STK3: variants seen among roughly 807,000 people sequenced by gnomAD.
The protein encoded by STK3 is serine/threonine kinase 3, also known as serine/threonine-protein kinase 3.
Under a neutral mutation model 58.0 loss-of-function variants are expected in STK3, and 41 were observed. The observed-to-expected ratio is 0.71, with a 90% CI of 0.55 to 0.92. STK3 has a LOEUF of 0.92. STK3 is among the 40% of genes least tolerant of loss of function. The pLI, the probability that STK3 is intolerant of heterozygous loss-of-function variation, is 0.00. For missense variants in STK3, 479 were observed against 602.7 expected, an observed-to-expected ratio of 0.79 and a Z score of 2.15; for synonymous variants, 170 against 191.0, an observed-to-expected ratio of 0.89 and a Z score of 0.91.
chr8:98,754,257 C>CAAA (rs373399577), intron 3 of STK3, among the ~76,000 whole-genome samples: 61 of 145,476 alleles, frequency 4.2e-4, no homozygotes, highest in African/African-American at 1.4e-3. Flanking sequence ...ATATGAGAAA[C>CAAA]AAAAAAAAAA....
intron 1 of STK3, among the ~76,000 whole-genome samples, chr8:98,384,790 T>G (rs1817772981): frequency 6.6e-6 from 1 of 152,150 alleles, no homozygotes; most frequent in Non-Finnish European, 1.5e-5. Context: ...CTTGGGCAGC[T>G]CCAGATCCCA....
intron 4 of STK3, among the ~76,000 whole-genome samples, chr8:98,719,681 T>C (rs893490199): frequency 2.6e-5 from 4 of 152,244 alleles, no homozygotes; most frequent in African/African-American, 9.6e-5. Flanking sequence ...TCTCACTCAT[T>C]TGGGCATCAA....
At chr8:98,538,621 C>T (rs1397440263) in intron 9 of STK3, among the ~76,000 whole-genome samples, 2 of 152,088 alleles carry the variant, frequency 1.3e-5, no homozygotes, top group East Asian at 3.8e-4. Context: ...AGTTCCTGTG[C>T]GAGTAATGAA....
intron 6 of STK3, among the ~76,000 whole-genome samples, chr8:98,617,735 CACAT>C (rs1193293201): frequency 6.6e-6 from 1 of 151,506 alleles, no homozygotes; most frequent in Non-Finnish European, 1.5e-5. Flanking sequence ...CATTCCTTGA[CACAT>C]ACACTCTCCC....
chr8:98,435,386 T>TG (rs1434213307), intron 2 of STK3, among the ~76,000 whole-genome samples: 1 of 152,102 alleles, frequency 6.6e-6, no homozygotes, highest in Non-Finnish European at 1.5e-5. Context: ...AAGGTGCAGA[T>TG]GGGGGGCAGA....
At chr8:98,716,977 A>G (rs1252776146) in intron 4 of STK3, among the ~76,000 whole-genome samples, 2 of 152,180 alleles carry the variant, frequency 1.3e-5, no homozygotes, top group Admixed American at 6.5e-5. Context: ...TGTGCTAAAG[A>G]ATAAGTAGAA....
chr8:98,792,679 C>A (rs1832881506), intron 1 of STK3, among the ~76,000 whole-genome samples: 1 of 152,046 alleles, frequency 6.6e-6, no homozygotes. Context: ...CCAGCCTGGG[C>A]AACAACAGTA....
intron 10 of STK3, among the ~76,000 whole-genome samples, chr8:98,494,375 G>A (rs756411144): frequency 9.2e-5 from 14 of 152,028 alleles, no homozygotes; most frequent in Admixed American, 4.6e-4. Flanking sequence ...GGTGAACTTT[G>A]GTGTTCCTTA....
chr8:98,729,542 C>T lies in STK3; in HGVS notation c.351+19734G>A, dbSNP rs541102992. On this transcript the variant is annotated intron_variant, in intron 4 of 10. Coordinates refer to ENST00000419617, the MANE Select transcript of STK3 (RefSeq NM_006281.4). ...AGTACCAATGGTGAATACTAAGATT[C>T]TATCCTTGGTTCTATAGTTCTCTGC... 7.2e-4 allele frequency among the ~76,000 whole-genome samples: 110 copies of T among 152,348 alleles called. 1 individual carries two copies. The highest frequency in any genetic ancestry group is 2.6e-3 in the African/African-American group (109 of 41,586).
At chr8:98,786,486 T>C (rs1175012850) in intron 1 of STK3, among the ~76,000 whole-genome samples, 1 of 152,230 alleles carries the variant, frequency 6.6e-6, no homozygotes, top group East Asian at 1.9e-4. Context: ...AGTTCAAGGC[T>C]GCAGTGAGCC....
At chr8:98,790,028 CAAA>C (rs530630466) in intron 1 of STK3, among the ~76,000 whole-genome samples, 8 of 88,710 alleles carry the variant, frequency 9.0e-5, no homozygotes, top group Admixed American at 1.3e-4. Context: ...GACTTCATCT[CAAA>C]AAAAAAAAAA....
chr8:98,425,938 G>A (rs1818227743), intron 3 of STK3, among the ~76,000 whole-genome samples: 1 of 152,168 alleles, frequency 6.6e-6, no homozygotes, highest in Admixed American at 6.5e-5. Context: ...TCCAGTCTTT[G>A]CAAGTGGACA....
At chr8:98,491,599 C>T (rs767307512) in intron 10 of STK3, among the ~76,000 whole-genome samples, 32 of 152,140 alleles carry the variant, frequency 2.1e-4, no homozygotes, top group Non-Finnish European at 3.7e-4. Flanking sequence ...TGCCACTGCA[C>T]CCGGCTAATT....
At chr8:98,887,500 A>G (rs186366563) in intron 1 of STK3, among the ~76,000 whole-genome samples, 88 of 152,334 alleles carry the variant, frequency 5.8e-4, no homozygotes, top group Middle Eastern at 6.8e-3. Context: ...TTCAAAATAA[A>G]AACTTATTTT....
intron 1 of STK3, among the ~76,000 whole-genome samples, chr8:98,803,064 G>A (rs1833664616): frequency 1.3e-5 from 2 of 152,152 alleles, no homozygotes; most frequent in South Asian, 2.1e-4. Context: ...GGTTTCCCTT[G>A]GGGTATGATT....
At chr8:98,505,947 G>A (rs578135288) in intron 10 of STK3, among the ~76,000 whole-genome samples, 6 of 152,324 alleles carry the variant, frequency 3.9e-5, no homozygotes, top group South Asian at 4.1e-4. Context: ...AGACAAGGAC[G>A]TTTAAGTCTG....
intron 9 of STK3, among the ~76,000 whole-genome samples, chr8:98,539,262 T>C (rs796892826): frequency 2.4e-4 from 36 of 152,268 alleles, no homozygotes; most frequent in African/African-American, 8.7e-4. Context: ...ATCTGGTCTC[T>C]TTCCAAAACA....
downstream of STK3, among the ~76,000 whole-genome samples, chr8:98,368,278 G>A (rs542705397): frequency 1.2e-4 from 19 of 152,330 alleles, no homozygotes; most frequent in African/African-American, 4.6e-4. Flanking sequence ...ACTGCCACGG[G>A]AGTCCTCTGG....
intron 3 of STK3, among the ~76,000 whole-genome samples, chr8:98,423,869 A>G (rs1002239749): frequency 6.6e-6 from 1 of 152,154 alleles, no homozygotes; most frequent in African/African-American, 2.4e-5. Context: ...GGCCAGGTGC[A>G]AGGATCTGGG....
Sources: gnomAD v4.1 joint callset for allele counts (sites outside exome capture counted in the v4.1 genomes callset) on GRCh38, gnomAD v4.1.1 for gene constraint, MANE v1.5 for transcripts, NCBI Gene and HGNC (gene_info 2026-07-23, HGNC 2026-07-21) for gene names.